Variants in IPO8 observed in about 807,000 individuals in gnomAD.
IPO8 encodes importin 8.
In IPO8, 65 loss-of-function variants were observed where a neutral mutation model predicts 141.2. The observed-to-expected ratio is 0.46, with a 90% confidence interval of 0.38 to 0.57. The LOEUF (loss-of-function observed/expected upper bound fraction) is 0.57. Ranked by LOEUF, IPO8 falls within the 20% of genes least tolerant of loss-of-function variation. The pLI, the probability that IPO8 is intolerant of heterozygous loss-of-function variation, is 0.00. For synonymous variants in IPO8, 411 were observed against 420.3 expected, an observed-to-expected ratio of 0.98 and a Z score of 0.27; for missense variants, 980 against 1,246.8, an observed-to-expected ratio of 0.79 and a Z score of 3.22.
At chr12:30,633,666 C>T (rs543531460) in intron 23 of IPO8, among the ~76,000 whole-genome samples, 1 of 152,326 alleles carries the variant, frequency 6.6e-6, no homozygotes, top group African/African-American at 2.4e-5. Flanking sequence ...AAGTCACCCT[C>T]TTACGGCAGC....
chr12:30,637,272 C>A, intron 21 of IPO8, 85 bp from the exon 22 acceptor site: 1 of 974,028 alleles, frequency 1.0e-6, no homozygotes, highest in Non-Finnish European at 1.6e-6. Flanking sequence ...AAGAAATGTC[C>A]AAGGCATACT....
intron 20 of IPO8, among the ~76,000 whole-genome samples, chr12:30,641,312 G>A (rs924624199): frequency 2.6e-5 from 4 of 152,012 alleles, no homozygotes; most frequent in Admixed American, 2.6e-4. Flanking sequence ...TCTATTTTTT[G>A]TTTTTGTTTT....
At chr12:30,674,212 G>A (rs1301034995) in intron 7 of IPO8, 138 bp from the exon 8 acceptor site, 2 of 570,444 alleles carry the variant, frequency 3.5e-6, no homozygotes, top group Admixed American at 2.9e-5. Context: ...TTTCCCACAA[G>A]CCACAAAATG....
Position 30,656,674 on chromosome 12 carries a change from T to C in IPO8, c.1948+10A>G. The C allele has an allele frequency of 6.6e-7, 1 of 1,515,614 alleles. No homozygotes were observed. The highest frequency in any genetic ancestry group is 9.0e-7 in the Non-Finnish European group (1 of 1,110,518). 93.9% of individuals were successfully genotyped at this position (1,515,614 alleles called of 1,614,324 possible). A position where few individuals can be genotyped will look rare whatever the true frequency, so the allele number is the denominator to read the frequency against. On this transcript the variant is annotated intron_variant, in intron 17 of 24. Coordinates refer to ENST00000256079, the MANE Select transcript of IPO8 (RefSeq NM_006390.4). ...TTCAATTTATCTTTTTATTTAACCT[T>C]TGAACTTACCAATTACATGTTTCTG...
chr12:30,644,658 T>G (rs79913748), intron 20 of IPO8, among the ~76,000 whole-genome samples: 54,774 of 116,398 alleles, frequency 0.47, 12,538 homozygotes, highest in African/African-American at 0.67. Flanking sequence ...TTTTTGTTTT[T>G]TTTTTTTTTT....
chr12:30,641,568 T>G (rs1365957847), intron 20 of IPO8, among the ~76,000 whole-genome samples: 1 of 151,016 alleles, frequency 6.6e-6, no homozygotes, highest in African/African-American at 2.4e-5. Context: ...AATTAAGCTA[T>G]TTCTAAAAAT....
intron 17 of IPO8, 117 bp from the exon 18 acceptor site, chr12:30,653,209 A>T: frequency 1.2e-6 from 1 of 802,596 alleles, no homozygotes; most frequent in South Asian, 1.7e-5. Flanking sequence ...TATCCAATGT[A>T]CTCATAAGCC....
rs1454435578 is a variant in IPO8 at position 30,662,367 on chromosome 12, T to G, written c.1715A>C (p.Gln572Pro). 3.1e-6 allele frequency: 5 copies of G among 1,613,854 alleles called. No homozygotes were observed. Among genetic ancestry groups the G allele is most frequent in the Non-Finnish European group, 4.2e-6 (5 of 1,179,952 alleles). The change falls in exon 15 of 25, where the codon CAA becomes CCA. Residue 572 changes from glutamine (Q) to proline (P), a missense_variant. Physicochemically the swap from Gln to Pro is moderately conservative, Grantham distance 76. Around this residue, in one of 3 missense-constraint regions of IPO8, gnomAD observed 924 missense variants for 1,153.9 expected, o/e 0.80. Transcript: ENST00000256079. ...ATCAACAGCAATTGAGGCTACCTCT[T>G]GACTGTATTCACATATCATCTTCTG... is the stretch of plus-strand genomic sequence containing the variant. ...VIQKMICEYSQEVASIAVDMT... is the reference protein window; with the variant it reads ...VIQKMICEYSPEVASIAVDMT...
At chr12:30,666,649 G>C (rs1361538174) in intron 10 of IPO8, among the ~76,000 whole-genome samples, 1 of 152,118 alleles carries the variant, frequency 6.6e-6, no homozygotes, top group Non-Finnish European at 1.5e-5. Context: ...CTTATGTCGT[G>C]AAACAAAGAA....
At position 30,630,184 on chromosome 12, in the gene IPO8, A is replaced by G. The variant is rs1301379461; in HGVS notation, c.*676T>C. 1.3e-5 allele frequency: 2 copies of G among 150,664 alleles called. No individual in the cohort carries two copies. 9.3% of individuals were successfully genotyped at this position (150,664 alleles called of 1,614,324 possible). ...AAATACCACCCCTTTTCAAGGCAGA[A>G]AAAAATGAGAGAAGAGGGAGTAAGA... On this transcript the variant is annotated 3_prime_UTR_variant, in exon 25 of 25. Coordinates refer to ENST00000256079, the MANE Select transcript of IPO8 (RefSeq NM_006390.4).
intron 19 of IPO8, 118 bp from the exon 20 acceptor site, chr12:30,649,350 G>C: frequency 1.6e-6 from 1 of 624,376 alleles, no homozygotes; most frequent in East Asian, 3.0e-5. Flanking sequence ...TGCTTGCTGT[G>C]CAAGTTTACC....
At chr12:30,683,129 T>C (rs1336471418) in intron 3 of IPO8, among the ~76,000 whole-genome samples, 1 of 152,234 alleles carries the variant, frequency 6.6e-6, no homozygotes, top group Non-Finnish European at 1.5e-5. Context: ...CCTTCATGCA[T>C]TACTGTGTAG....
intron 23 of IPO8, 74 bp from the exon 24 acceptor site, chr12:30,632,085 A>C: frequency 1.1e-6 from 1 of 950,958 alleles, no homozygotes; most frequent in South Asian, 1.4e-5. Context: ...TAACATGATC[A>C]AATTACAAAG....
At chr12:30,662,570 G>T in intron 14 of IPO8, 83 bp from the exon 15 acceptor site, 1 of 1,033,278 alleles carries the variant, frequency 9.7e-7, no homozygotes, top group South Asian at 1.3e-5. Flanking sequence ...AAGGTCAAGT[G>T]ACCCAGGGTA....
intron 6 of IPO8, among the ~76,000 whole-genome samples, chr12:30,675,157 T>C (rs1565506887): frequency 6.6e-6 from 1 of 152,224 alleles, no homozygotes; most frequent in Non-Finnish European, 1.5e-5. Context: ...ATACTTTGTC[T>C]CACGATATGG....
At position 30,634,105 on chromosome 12, in the gene IPO8, C is replaced by T. The variant is rs776038803; in HGVS notation, c.2877G>A (p.Gln959=). 4.3e-6 allele frequency: 7 copies of T among 1,613,726 alleles called. No homozygotes were observed. The African/African-American group carries it at 6.7e-5, about 15-fold the overall frequency. The stretch of plus-strand genomic sequence containing the variant: ...TACTTATCAGAGCTTGTGTAAAAAA[C>T]TGATATTCATCCACACTATTGTCAA... ...LDLDNSVDEY[Q]FFTQALITVQ... Residue 959 remains glutamine, a synonymous_variant, in exon 23 of 25, where the codon CAG becomes CAA. Transcript: ENST00000256079.
chr12:30,662,951 T>C (rs1204876421), intron 14 of IPO8, among the ~76,000 whole-genome samples: 1 of 152,184 alleles, frequency 6.6e-6, no homozygotes, highest in Non-Finnish European at 1.5e-5. Flanking sequence ...GAAACATTGC[T>C]GAATAGAGGC....
chr12:30,674,782 G>T, intron 6 of IPO8, 29 bp from the exon 7 acceptor site: 1 of 1,384,456 alleles, frequency 7.2e-7, no homozygotes, highest in South Asian at 1.2e-5. Flanking sequence ...CCAGATTAAA[G>T]TTCTGCATAA....
intron 20 of IPO8, among the ~76,000 whole-genome samples, chr12:30,648,402 C>A (rs1204792832): frequency 6.6e-6 from 1 of 152,126 alleles, no homozygotes; most frequent in African/African-American, 2.4e-5. Context: ...ATAGTGGTTG[C>A]CCAGAGCTTG....
Sources: allele counts gnomAD v4.1 joint callset (sites outside exome capture counted in the v4.1 genomes callset), GRCh38; gene constraint gnomAD v4.1.1; regional missense constraint gnomAD v4.1.1; transcripts MANE v1.5; gene names NCBI Gene and HGNC (gene_info 2026-07-23, HGNC 2026-07-21).